RPE65: variants seen among roughly 807,000 people sequenced by gnomAD.
RPE65 encodes the protein retinoid isomerohydrolase RPE65, also known as retinoid isomerohydrolase.
RPE65 carries 58 observed loss-of-function variants against 68.5 expected under a neutral mutation model. The observed-to-expected ratio is 0.85, with a 90% CI of 0.69 to 1.05. The LOEUF (loss-of-function observed/expected upper bound fraction) is 1.05. Among genes scored for constraint, RPE65 ranks in the 50% least tolerant of loss-of-function variants. The pLI, the probability that RPE65 is intolerant of heterozygous loss-of-function variation, is 0.00. For missense variants in RPE65, 643 were observed against 629.9 expected (o/e 1.02, Z -0.22); for synonymous variants, 220 against 222.2 (o/e 0.99, Z 0.09).
Position 68,429,600 on chromosome 1 carries a change from T to A in RPE65, c.*176A>T, listed in dbSNP as rs78017676. 19 of 665,402 alleles carry A rather than the reference T, an allele frequency of 2.9e-5. No homozygotes were observed. The highest frequency in any genetic ancestry group is 1.7e-4 in the South Asian group (9 of 52,758). The allele number at this position is 665,402 out of a possible 1,614,324, so 41.2% of individuals were successfully genotyped here. A position where few individuals can be genotyped will look rare whatever the true frequency, so the allele number is the denominator to read the frequency against. On this transcript the variant is annotated 3_prime_UTR_variant, in exon 14 of 14. Transcript: ENST00000262340. Reference sequence around the variant, plus strand: ...TTATCTAAATACGTACTTTTTTTTTTAAATAAAGGAATTGCTTGCTCAACT... The same window carrying A: ...TTATCTAAATACGTACTTTTTTTTTAAAATAAAGGAATTGCTTGCTCAACT...
At position 68,446,797 on chromosome 1, in the gene RPE65, C is replaced by G. The variant is rs763536294; in HGVS notation, c.158G>C (p.Gly53Ala). The change falls in exon 3 of 14, where the codon GGA becomes GCA. Residue 53 changes from glycine (G) to alanine (A), a missense_variant. Transcript: ENST00000262340. ...LRCGPGLFEV[G>A]SEPFYHLFDG... is the part of the protein sequence containing the mutation. The stretch of plus-strand genomic sequence containing the variant: ...AAACAGGTGGTAAAATGGCTCAGAT[C>G]CAACTTCAAAGAGTCCTGGCCCACA... 1 of 1,613,988 alleles carries G rather than the reference C, an allele frequency of 6.2e-7. No individual in the cohort carries two copies.
intron 10 of RPE65, among the ~76,000 whole-genome samples, chr1:68,436,881 A>T (rs967859194): frequency 2.6e-5 from 4 of 152,066 alleles, no homozygotes; most frequent in Non-Finnish European, 4.4e-5. Flanking sequence ...CTTACCCCTC[A>T]CATGTAATTA....
At chr1:68,448,544 C>T in intron 2 of RPE65, 80 bp downstream of exon 2, 1 of 1,364,924 alleles carries the variant, frequency 7.3e-7, no homozygotes, top group South Asian at 1.2e-5. Context: ...GGAGTCTGCA[C>T]TGAGAGACGC....
At position 68,446,766 on chromosome 1, in the gene RPE65, C is replaced by G. The variant is rs1226926761; in HGVS notation, c.189G>C (p.Gly63=). 1 of 1,614,156 alleles carries G rather than the reference C, an allele frequency of 6.2e-7. No individual in the cohort carries two copies. ...GSEPFYHLFD[G]QALLHKFDFK... Reference sequence around the variant, plus strand: ...AGTCAAACTTGTGCAGGAGGGCTTGCCCATCAAACAGGTGGTAAAATGGCT... The same window carrying G: ...AGTCAAACTTGTGCAGGAGGGCTTGGCCATCAAACAGGTGGTAAAATGGCT... Residue 63 remains glycine (G), a synonymous_variant, in exon 3 of 14, where the codon GGG becomes GGC. Transcript: ENST00000262340.
chr1:68,449,442 C>T (rs2419982), intron 1 of RPE65, among the ~76,000 whole-genome samples: 3,024 of 152,216 alleles, frequency 0.02, 54 homozygotes, highest in Non-Finnish European at 0.031. Context: ...ATAATAATTA[C>T]CTTTTACTAA....
chr1:68,447,606 A>C (rs1444874672), intron 2 of RPE65, among the ~76,000 whole-genome samples: 1 of 152,146 alleles, frequency 6.6e-6, no homozygotes, highest in African/African-American at 2.4e-5. Context: ...TCGCGCTTGT[A>C]ATCCCAGCAC....
chr1:68,439,275 T>C lies in RPE65; in HGVS notation c.774A>G (p.Lys258=), dbSNP rs1264648487. Residue 258 remains lysine, a synonymous_variant, in exon 8 of 14, where the codon AAA becomes AAG. Transcript: ENST00000262340. The part of the protein sequence containing the change: ...NYIVFVETPV[K]INLFKFLSSW... ...AAGAAAGGAACTTGAACAGGTTAATTTTGACTGGTGTCTCCACAAAAACGA... is the reference window on the plus strand; with the variant it reads ...AAGAAAGGAACTTGAACAGGTTAATCTTGACTGGTGTCTCCACAAAAACGA... 3 of 1,613,862 alleles carry C rather than the reference T, an allele frequency of 1.9e-6. No individual in the cohort carries two copies. Among genetic ancestry groups the C allele is most frequent in the Non-Finnish European group, 2.5e-6 (3 of 1,179,974 alleles).
Position 68,440,843 on chromosome 1 carries a change from G to A in RPE65, c.643+10C>T. On this transcript the variant is annotated intron_variant, in intron 6 of 13. Coordinates refer to ENST00000262340, the MANE Select transcript of RPE65 (RefSeq NM_000329.3). ...CTTATTTTCAGAAGAGGACAGATTG[G>A]TAAACTCACCTGCTTGCAGTGGTGG... 3 of 1,613,876 alleles carry A rather than the reference G, an allele frequency of 1.9e-6. No individual in the cohort carries two copies. Among genetic ancestry groups the A allele is most frequent in the Non-Finnish European group, 2.5e-6 (3 of 1,179,792 alleles).
At chr1:68,438,829 C>A (rs987755444) in intron 9 of RPE65, 113 bp downstream of exon 9, 2 of 1,343,882 alleles carry the variant, frequency 1.5e-6, no homozygotes, top group Non-Finnish European at 1.1e-6. Flanking sequence ...TTGACTCTCA[C>A]ATAACTCTTG....
At chr1:68,440,390 C>A (rs1645893886) in intron 6 of RPE65, among the ~76,000 whole-genome samples, 1 of 152,110 alleles carries the variant, frequency 6.6e-6, no homozygotes. Flanking sequence ...AGTTCTTTTT[C>A]TATAGTACTT....
chr1:68,438,470 G>A (rs1368816952), intron 9 of RPE65, among the ~76,000 whole-genome samples, 154 bp from the exon 10 acceptor site: 3 of 151,996 alleles, frequency 2.0e-5, no homozygotes, highest in African/African-American at 4.8e-5. Context: ...ATTTCCTCCC[G>A]CCCACACAGG....
intron 10 of RPE65, among the ~76,000 whole-genome samples, chr1:68,435,306 A>T (rs1271690135): frequency 1.3e-5 from 2 of 151,992 alleles, no homozygotes; most frequent in East Asian, 3.9e-4. Context: ...CTGGCTCTCA[A>T]ATTCTTTATT....
intron 13 of RPE65, among the ~76,000 whole-genome samples, chr1:68,430,519 A>C (rs1212739653): frequency 1.3e-5 from 2 of 152,112 alleles, no homozygotes; most frequent in Non-Finnish European, 2.9e-5. Flanking sequence ...AATCCCATAG[A>C]GTGTAATCTA....
intron 13 of RPE65, among the ~76,000 whole-genome samples, chr1:68,430,186 T>A (rs1403781761): frequency 6.6e-6 from 1 of 152,156 alleles, no homozygotes; most frequent in Non-Finnish European, 1.5e-5. Flanking sequence ...TATCTCAATA[T>A]TCTATGACAA....
At position 68,429,730 on chromosome 1, in the gene RPE65, G is replaced by C. The variant is rs1432545469; in HGVS notation, c.*46C>G. 1.2e-6 allele frequency: 2 copies of C among 1,611,610 alleles called. No individual in the cohort carries two copies. The highest frequency in any genetic ancestry group is 1.7e-4 in the Middle Eastern group (1 of 6,050). ...AGAATTTGATTGCAGACCTGAAGCT[G>C]ATTTTCTCAGTTTTGCTACCAAAAA... is the stretch of plus-strand genomic sequence containing the variant. On this transcript the variant is annotated 3_prime_UTR_variant, in exon 14 of 14. Transcript: ENST00000262340.
intron 2 of RPE65, among the ~76,000 whole-genome samples, chr1:68,447,511 G>A (rs1033979538): frequency 6.6e-6 from 1 of 152,100 alleles, no homozygotes; most frequent in Non-Finnish European, 1.5e-5. Context: ...GCAAAATGTG[G>A]GGTACCCAAG....
Position 68,446,572 on chromosome 1 carries a change from C to T in RPE65, c.245+138G>A, listed in dbSNP as rs575192091. ...ATGTTCCCTCGTATCCATGCAGACACACTGGCCCAGGTACATTGTGAGAAG... is the reference window on the plus strand; with the variant it reads ...ATGTTCCCTCGTATCCATGCAGACATACTGGCCCAGGTACATTGTGAGAAG... On this transcript the variant is annotated intron_variant, in intron 3 of 13. Transcript: ENST00000262340. 18 of 980,354 alleles carry T rather than the reference C, an allele frequency of 1.8e-5. No homozygotes were observed. The African/African-American group carries it at 2.4e-4, about 13-fold the overall frequency. 60.7% of individuals were successfully genotyped at this position (980,354 alleles called of 1,614,324 possible).
At position 68,429,770 on chromosome 1, in the gene RPE65, G is replaced by A. The variant is rs780247600; in HGVS notation, c.*6C>T. 2.5e-6 allele frequency: 4 copies of A among 1,613,452 alleles called. No individual in the cohort carries two copies. The highest frequency in any genetic ancestry group is 1.7e-6 in the Non-Finnish European group (2 of 1,179,586). On this transcript the variant is annotated 3_prime_UTR_variant, in exon 14 of 14. Coordinates refer to ENST00000262340, the MANE Select transcript of RPE65 (RefSeq NM_000329.3). The stretch of plus-strand genomic sequence containing the variant: ...GCTACCAAAAACATATCTTGCTGGA[G>A]TATGCTCAAGATTTTTTGAACAGTC...
intron 5 of RPE65, among the ~76,000 whole-genome samples, chr1:68,443,766 G>A (rs534379271): frequency 1.3e-5 from 2 of 152,218 alleles, no homozygotes; most frequent in South Asian, 4.2e-4. Context: ...GTCACCTGAA[G>A]ACAAGAACAA....
Sources: gnomAD v4.1 joint callset for allele counts (sites outside exome capture counted in the v4.1 genomes callset) on GRCh38, gnomAD v4.1.1 for gene constraint, MANE v1.5 for transcripts, NCBI Gene and HGNC (gene_info 2026-07-23, HGNC 2026-07-21) for gene names.